PAK3: variants seen among roughly 807,000 people sequenced by gnomAD.
The protein encoded by PAK3 is serine/threonine-protein kinase PAK 3.
Under a neutral mutation model 41.0 loss-of-function variants are expected in PAK3, and 4 were observed. That is an observed-to-expected ratio of 0.10 (90% CI 0.05 to 0.22). The LOEUF is 0.22. PAK3 is among the 10% of genes least tolerant of loss of function. PAK3 has a pLI of 1.00. For missense variants in PAK3, 205 were observed against 409.9 expected (o/e 0.50, Z 4.32); for synonymous variants, 146 against 139.6 (o/e 1.05, Z -0.32).
intron 1 of PAK3, among the ~76,000 whole-genome samples, chrX:111,087,329 GA>G (rs2092894555): frequency 9.0e-6 from 1 of 110,567 alleles, no homozygotes; most frequent in Non-Finnish European, 1.9e-5. Context: ...AAAAGGGTAG[GA>G]GGGGCAAGCT....
chrX:111,046,190 A>T (rs758119848), intron 1 of PAK3, among the ~76,000 whole-genome samples: 3 of 111,703 alleles, frequency 2.7e-5, no homozygotes, highest in Admixed American at 9.5e-5. Context: ...TGCTTTACAC[A>T]TGTTAACTCT....
intron 1 of PAK3, among the ~76,000 whole-genome samples, chrX:111,085,259 A>C (rs1031663732): frequency 1.8e-5 from 2 of 111,832 alleles, no homozygotes; most frequent in Non-Finnish European, 3.8e-5. Context: ...TAAATCTAGG[A>C]TATCCCAGGG....
At chrX:110,954,071 T>A (rs2090800832) in intron 1 of PAK3, among the ~76,000 whole-genome samples, 1 of 111,678 alleles carries the variant, frequency 9.0e-6, no homozygotes, top group African/African-American at 3.3e-5. Context: ...ATCTCACTGA[T>A]CTTATTTCCT....
chrX:111,202,534 C>T (rs1329556265), intron 16 of PAK3, among the ~76,000 whole-genome samples: 1 of 111,785 alleles, frequency 8.9e-6, no homozygotes, highest in African/African-American at 3.2e-5. Flanking sequence ...CTAACTTTCC[C>T]TGTGGATATA....
At chrX:111,006,047 G>C (rs926124055) in intron 1 of PAK3, among the ~76,000 whole-genome samples, 1 of 111,283 alleles carries the variant, frequency 9.0e-6, no homozygotes, top group Admixed American at 9.6e-5. Flanking sequence ...CTATAGCACA[G>C]TATTTCTCAG....
chrX:110,996,568 G>C (rs1338203026), intron 1 of PAK3, among the ~76,000 whole-genome samples: 1 of 111,953 alleles, frequency 8.9e-6, no homozygotes, highest in Non-Finnish European at 1.9e-5. Context: ...ATGAGGTCAT[G>C]AGGGTGGGGC....
intron 16 of PAK3, among the ~76,000 whole-genome samples, chrX:111,202,687 C>A: frequency 9.0e-6 from 1 of 111,538 alleles, no homozygotes; most frequent in Non-Finnish European, 1.9e-5. Context: ...TTTCTCAGCA[C>A]CCAGAGAGTG....
chrX:111,192,378 T>A lies in PAK3; in HGVS notation c.880-128T>A. ...TAAAAAAAAAAGTGGGGGGCATGTG[T>A]TTGTGGCACAGGGAAAGAGCTTAGT... On this transcript the variant is annotated intron_variant, in intron 12 of 17. Transcript: ENST00000372007. The A allele has an allele frequency of 5.6e-6, 3 of 539,537 alleles. No individual in the cohort carries two copies. The South Asian group carries it at 8.3e-5, about 15-fold the overall frequency. The allele number at this position is 539,537 out of a possible 1,213,427, so 44.5% of individuals were successfully genotyped here.
intron 8 of PAK3, among the ~76,000 whole-genome samples, chrX:111,156,470 G>A (rs1279103825): frequency 4.5e-5 from 5 of 111,952 alleles, no homozygotes; most frequent in African/African-American, 1.6e-4. Context: ...ACTTCAGTGG[G>A]ACTCAGTTCC....
At chrX:110,972,399 C>T (rs2091228997) in intron 1 of PAK3, among the ~76,000 whole-genome samples, 1 of 111,878 alleles carries the variant, frequency 8.9e-6, no homozygotes, top group Non-Finnish European at 1.9e-5. Context: ...GCAGCCTCCG[C>T]TGGAGATACC....
chrX:111,176,343 G>A (rs1180805542), intron 11 of PAK3, among the ~76,000 whole-genome samples: 1 of 110,030 alleles, frequency 9.1e-6, no homozygotes, highest in Non-Finnish European at 1.9e-5. Flanking sequence ...AGGGGAATGG[G>A]GGGCGAAGGG....
At chrX:111,119,795 C>T (rs1487541149) in intron 4 of PAK3, among the ~76,000 whole-genome samples, 1 of 112,250 alleles carries the variant, frequency 8.9e-6, no homozygotes, top group African/African-American at 3.2e-5. Context: ...ACTTTAACCA[C>T]AAGGATTCCT....
At chrX:111,206,303 T>C (rs995305425) in intron 16 of PAK3, among the ~76,000 whole-genome samples, 1 of 111,532 alleles carries the variant, frequency 9.0e-6, no homozygotes, top group Non-Finnish European at 1.9e-5. Flanking sequence ...CCTACCCACA[T>C]CCCTACTTCC....
chrX:110,996,348 A>T, intron 1 of PAK3, among the ~76,000 whole-genome samples: 1 of 112,414 alleles, frequency 8.9e-6, no homozygotes, highest in African/African-American at 3.2e-5. Flanking sequence ...AAACTAGTGG[A>T]CATACTAAAC....
intron 17 of PAK3, among the ~76,000 whole-genome samples, chrX:111,220,053 A>T (rs1429799506): frequency 9.0e-6 from 1 of 111,359 alleles, no homozygotes; most frequent in Non-Finnish European, 1.9e-5. Context: ...TTTTCCAAGC[A>T]TGACAGCTTC....
intron 1 of PAK3, among the ~76,000 whole-genome samples, chrX:111,059,486 G>A (rs1334889987): frequency 9.0e-6 from 1 of 111,454 alleles, no homozygotes; most frequent in African/African-American, 3.3e-5. Context: ...AAGAGCATTA[G>A]AGTTTTGATG....
chrX:110,966,110 T>C (rs1183698939), intron 1 of PAK3, among the ~76,000 whole-genome samples: 1 of 112,283 alleles, frequency 8.9e-6, no homozygotes, highest in Non-Finnish European at 1.9e-5. Context: ...TAGCTAAATA[T>C]GTGTCACCTA....
At position 111,220,530 on chromosome X, in the gene PAK3, C is replaced by A. The variant is rs1057515731; in HGVS notation, c.*83C>A. 2 of 638,197 alleles carry A rather than the reference C, an allele frequency of 3.1e-6. No individual in the cohort carries two copies. Among genetic ancestry groups the A allele is most frequent in the African/African-American group, 2.2e-5 (1 of 46,078 alleles). The allele number at this position is 638,197 out of a possible 1,213,427, so 52.6% of individuals were successfully genotyped here. ...GCTGCAGGAAAGATGGAAGAAAAGA[C>A]AGTCAAATGGGGTGGGGGTTCTTTA... is the stretch of plus-strand genomic sequence containing the variant. On this transcript the variant is annotated 3_prime_UTR_variant, in exon 18 of 18. Coordinates refer to ENST00000372007, the MANE Select transcript of PAK3 (RefSeq NM_002578.5).
At chrX:110,996,377 CA>C (rs1464588500) in intron 1 of PAK3, among the ~76,000 whole-genome samples, 1 of 112,359 alleles carries the variant, frequency 8.9e-6, no homozygotes, top group African/African-American at 3.2e-5. Context: ...CAACCATTAT[CA>C]AACTTCAATT....
Sources: gnomAD v4.1 joint callset for allele counts (sites outside exome capture counted in the v4.1 genomes callset) on GRCh38, gnomAD v4.1.1 for gene constraint, MANE v1.5 for transcripts, NCBI Gene and HGNC (gene_info 2026-07-23, HGNC 2026-07-21) for gene names.